TSPEAR: variants seen among roughly 807,000 people sequenced by gnomAD.
The protein encoded by TSPEAR is thrombospondin type laminin G domain and EAR repeats, also known as thrombospondin-type laminin G domain and EAR repeat-containing protein.
Under a neutral mutation model 71.6 loss-of-function variants are expected in TSPEAR, and 69 were observed. The observed-to-expected ratio is 0.96, with a 90% confidence interval of 0.79 to 1.18. The LOEUF is 1.18. Among genes scored for constraint, TSPEAR ranks in the 50% most tolerant of loss-of-function variants. The pLI is 0.00. For synonymous variants in TSPEAR, 402 were observed against 387.2 expected, an observed-to-expected ratio of 1.04 and a Z score of -0.45; for missense variants, 971 against 894.9, an observed-to-expected ratio of 1.09 and a Z score of -1.09.
chr21:44,577,225 A>T (rs1555924094), intron 1 of TSPEAR, among the ~76,000 whole-genome samples: 1 of 152,234 alleles, frequency 6.6e-6, no homozygotes, highest in African/African-American at 2.4e-5. Flanking sequence ...TTAAGAAGCT[A>T]AAGAAGCATA....
chr21:44,705,126 T>C (rs1555952123), intron 1 of TSPEAR, among the ~76,000 whole-genome samples: 1 of 152,254 alleles, frequency 6.6e-6, no homozygotes, highest in East Asian at 1.9e-4. Flanking sequence ...CCCAAATTAA[T>C]ACTTTTGTAA....
At chr21:44,523,351 C>T (rs1555914542) in intron 8 of TSPEAR, among the ~76,000 whole-genome samples, 1 of 151,314 alleles carries the variant, frequency 6.6e-6, no homozygotes, top group African/African-American at 2.4e-5. Flanking sequence ...AGTGGTCGGT[C>T]AGTTGTGTCA....
rs146941324 is a variant in TSPEAR, at chr21:44,639,221, TC to T, written c.83-71217del. On this transcript the variant is annotated intron_variant, in intron 1 of 11. Coordinates refer to ENST00000323084, the MANE Select transcript of TSPEAR (RefSeq NM_144991.3). ...CCGCACCCCCAGCCTCCCAGGTCTC[TC>T]CCAAATAGCCCTCAGCTCTGCCTGC... is the stretch of plus-strand genomic sequence containing the variant. Among the ~76,000 whole-genome samples the T allele has an allele frequency of 9.1e-3, 1,379 of 152,194 alleles. 12 individuals are homozygous for T. The highest frequency in any genetic ancestry group is 0.041 in the Middle Eastern group (12 of 294).
At chr21:44,560,600 C>T (rs2146055791) in intron 2 of TSPEAR, among the ~76,000 whole-genome samples, 1 of 152,282 alleles carries the variant, frequency 6.6e-6, no homozygotes, top group East Asian at 1.9e-4. Context: ...CACTCCTCAG[C>T]AAATGCAAAA....
intron 4 of TSPEAR, 127 bp downstream of exon 4, chr21:44,530,916 G>T: frequency 1.3e-6 from 1 of 774,168 alleles, no homozygotes; most frequent in Non-Finnish European, 2.2e-6. Flanking sequence ...GAGACTCCAC[G>T]CACGCTGTAC....
Position 44,677,728 on chromosome 21 carries a change from C to A in TSPEAR, c.82+33705G>T, listed in dbSNP as rs781872528. Reference sequence around the variant, plus strand: ...AGTTGTGAGGCAGGCTGTTTAAATTCTTTTGTTACTTCTGATACACTAGAG... The same window carrying A: ...AGTTGTGAGGCAGGCTGTTTAAATTATTTTGTTACTTCTGATACACTAGAG... On this transcript the variant is annotated intron_variant, in intron 1 of 11. Coordinates refer to ENST00000323084, the MANE Select transcript of TSPEAR (RefSeq NM_144991.3). 9.9e-6 allele frequency: 14 copies of A among 1,410,404 alleles called. No individual in the cohort carries two copies. The African/African-American group carries it at 1.1e-4, about 11-fold the overall frequency. 87.4% of individuals were successfully genotyped at this position (1,410,404 alleles called of 1,614,324 possible).
chr21:44,676,213 C>T (rs1324325732), intron 1 of TSPEAR: 15 of 1,312,996 alleles, frequency 1.1e-5, no homozygotes, highest in Admixed American at 3.4e-5. Context: ...TGCTACCCTT[C>T]GGGCCAGTTT....
intron 2 of TSPEAR, chr21:44,540,248 G>A: frequency 6.5e-7 from 1 of 1,539,880 alleles, no homozygotes. Flanking sequence ...GAGTGTGTGA[G>A]CTTCGTGGGG....
At chr21:44,671,701 T>C (rs1361523733) in intron 1 of TSPEAR, among the ~76,000 whole-genome samples, 1 of 152,152 alleles carries the variant, frequency 6.6e-6, no homozygotes, top group African/African-American at 2.4e-5. Context: ...CAGGAAAAAG[T>C]CTTCTCATAA....
intron 1 of TSPEAR, among the ~76,000 whole-genome samples, chr21:44,650,764 A>G (rs1230743210): frequency 1.3e-5 from 2 of 152,118 alleles, no homozygotes; most frequent in African/African-American, 4.8e-5. Context: ...AGTCCAGGGA[A>G]ATGGGGCTGG....
chr21:44,577,109 A>T (rs1361690011), intron 1 of TSPEAR, among the ~76,000 whole-genome samples: 1 of 152,250 alleles, frequency 6.6e-6, no homozygotes, highest in South Asian at 2.1e-4. Context: ...AAATCACCCC[A>T]TATCAATACT....
intron 4 of TSPEAR, among the ~76,000 whole-genome samples, chr21:44,530,540 TGTCC>T (rs1436867904): frequency 6.6e-6 from 1 of 151,974 alleles, no homozygotes; most frequent in African/African-American, 2.4e-5. Flanking sequence ...TCCATCCATT[TGTCC>T]ATCCCTCCAT....
intron 1 of TSPEAR, among the ~76,000 whole-genome samples, chr21:44,705,894 T>A (rs1438706050): frequency 6.6e-6 from 1 of 152,152 alleles, no homozygotes; most frequent in East Asian, 1.9e-4. Flanking sequence ...CTTCCCCTTT[T>A]GAAACTCCCT....
intron 1 of TSPEAR, chr21:44,627,936 CT>C: frequency 6.6e-7 from 1 of 1,518,972 alleles, no homozygotes; most frequent in Non-Finnish European, 8.9e-7. Context: ...CCCCCACCTC[CT>C]CCCGCCAGCC....
chr21:44,669,107 G>A (rs1985930377), intron 1 of TSPEAR, among the ~76,000 whole-genome samples: 1 of 152,214 alleles, frequency 6.6e-6, no homozygotes, highest in African/African-American at 2.4e-5. Flanking sequence ...AAAAGAGCCT[G>A]TGAGACATCA....
intron 9 of TSPEAR, chr21:44,518,170 GAAGAC>G: frequency 7.9e-6 from 3 of 378,888 alleles, no homozygotes; most frequent in Non-Finnish European, 1.6e-5. Context: ...GAATACTTCT[GAAGAC>G]AAGTATAACT....
At chr21:44,638,227 G>T (rs1983792593) in intron 1 of TSPEAR, 1 of 1,559,784 alleles carries the variant, frequency 6.4e-7, no homozygotes, top group South Asian at 1.2e-5. Flanking sequence ...CCTCCCAGCT[G>T]CCCCAGCAAG....
intron 1 of TSPEAR, chr21:44,654,419 A>AG: frequency 6.2e-7 from 1 of 1,614,160 alleles, no homozygotes; most frequent in Non-Finnish European, 8.5e-7. Flanking sequence ...GCCACCTGGC[A>AG]GGGGCTGGGC....
At chr21:44,668,839 C>A (rs1241444728) in intron 1 of TSPEAR, among the ~76,000 whole-genome samples, 4 of 152,188 alleles carry the variant, frequency 2.6e-5, no homozygotes, top group Non-Finnish European at 5.9e-5. Flanking sequence ...TATCCACACA[C>A]AAAAGATTAT....
Sources: allele counts gnomAD v4.1 joint callset (sites outside exome capture counted in the v4.1 genomes callset), GRCh38; gene constraint gnomAD v4.1.1; transcripts MANE v1.5; gene names NCBI Gene and HGNC (gene_info 2026-07-23, HGNC 2026-07-21).